CD1B: variants seen among roughly 807,000 people sequenced by gnomAD.
CD1B encodes the protein T-cell surface glycoprotein CD1b.
A neutral mutation model predicts 39.8 loss-of-function variants in CD1B; 43 were observed. That is an observed-to-expected ratio of 1.08 (90% confidence interval 0.85 to 1.39). The LOEUF is 1.39. Among genes scored for constraint, CD1B ranks in the 40% most tolerant of loss-of-function variants. The pLI is 0.00. For synonymous variants in CD1B, 192 were observed against 152.5 expected (o/e 1.26, Z -1.91); for missense variants, 495 against 403.8 (o/e 1.23, Z -1.94).
chr1:158,330,198 T>G, intron 2 of CD1B, 68 bp from the exon 3 acceptor site: 1 of 1,398,680 alleles, frequency 7.1e-7, no homozygotes, highest in Non-Finnish European at 9.7e-7. Flanking sequence ...GAAAAGAACC[T>G]AGGATTTTAG....
At chr1:158,331,251 G>C in intron 1 of CD1B, 112 bp downstream of exon 1, 2 of 1,156,360 alleles carry the variant, frequency 1.7e-6, no homozygotes, top group Non-Finnish European at 2.6e-6. Context: ...AAGAGGGCGG[G>C]AGACAGAAAG....
chr1:158,317,243 G>T, the CD1B span, among the ~76,000 whole-genome samples: 9 of 152,130 alleles, frequency 5.9e-5, no homozygotes, highest in South Asian at 1.5e-3. Context: ...AATGGTACCA[G>T]TTCCTCCTTG....
At chr1:158,292,527 G>T in the CD1B span, 1 of 1,536,132 alleles carries the variant, frequency 6.5e-7, no homozygotes, top group South Asian at 1.2e-5. Context: ...ATATTCATGT[G>T]GATGTGTGTA....
chr1:158,293,682 A>C, the CD1B span: 5 of 1,201,548 alleles, frequency 4.2e-6, no homozygotes, highest in Non-Finnish European at 5.9e-6. Context: ...TTCAAAGCCC[A>C]TTTCTGATGT....
chr1:158,321,851 G>A, the CD1B span, among the ~76,000 whole-genome samples: 3 of 152,108 alleles, frequency 2.0e-5, no homozygotes, highest in Non-Finnish European at 4.4e-5. Flanking sequence ...TTACTGCACA[G>A]ATCATCCCAT....
chr1:158,291,039 C>A, the CD1B span: 1 of 1,283,526 alleles, frequency 7.8e-7, no homozygotes, highest in African/African-American at 1.5e-5. Flanking sequence ...TAATGTTTCT[C>A]TGTGGTAACT....
At chr1:158,330,729 A>G (rs751142580) in intron 2 of CD1B, 67 bp downstream of exon 2, 2 of 1,501,734 alleles carry the variant, frequency 1.3e-6, no homozygotes, top group South Asian at 2.3e-5. Context: ...AGAGAGAGCA[A>G]CACTTTGCAA....
At chr1:158,299,091 C>G in the CD1B span, among the ~76,000 whole-genome samples, 97 of 152,172 alleles carry the variant, frequency 6.4e-4, no homozygotes, top group Non-Finnish European at 1.2e-3. Context: ...TTGTCTTGTG[C>G]CAGTTTTCAA....
At chr1:158,315,408 T>G in the CD1B span, among the ~76,000 whole-genome samples, 4 of 152,042 alleles carry the variant, frequency 2.6e-5, no homozygotes, top group East Asian at 7.7e-4. Flanking sequence ...TGATGGCCAG[T>G]GATGATGAGC....
At chr1:158,310,800 T>G in the CD1B span, among the ~76,000 whole-genome samples, 234 of 152,002 alleles carry the variant, frequency 1.5e-3, 1 homozygote, top group African/African-American at 5.5e-3. Context: ...ATTATTAAAA[T>G]GTCAAAAAAG....
intron 2 of CD1B, 60 bp downstream of exon 2, chr1:158,330,736 G>T (rs562633354): frequency 1.9e-6 from 3 of 1,541,854 alleles, no homozygotes; most frequent in Admixed American, 3.3e-5. Context: ...GCAACACTTT[G>T]CAAAAAAGAG....
the CD1B span, among the ~76,000 whole-genome samples, chr1:158,297,100 A>T: frequency 6.6e-6 from 1 of 152,178 alleles, no homozygotes; most frequent in Non-Finnish European, 1.5e-5. Flanking sequence ...AAATTCAGAG[A>T]ACTCCTGAGA....
At chr1:158,306,551 A>G in the CD1B span, among the ~76,000 whole-genome samples, 1 of 152,210 alleles carries the variant, frequency 6.6e-6, no homozygotes, top group African/African-American at 2.4e-5. Flanking sequence ...GATATCCAGG[A>G]ACTGAACTCA....
At chr1:158,315,509 T>C in the CD1B span, among the ~76,000 whole-genome samples, 1 of 152,086 alleles carries the variant, frequency 6.6e-6, no homozygotes, top group Non-Finnish European at 1.5e-5. Context: ...GGGTTGTTTG[T>C]TTTTTTCTTG....
the CD1B span, among the ~76,000 whole-genome samples, chr1:158,296,195 G>C: frequency 0.029 from 4,397 of 151,434 alleles, 213 homozygotes; most frequent in African/African-American, 0.1. Context: ...CCCACCATAG[G>C]AGTGTTGTTG....
At chr1:158,318,280 A>T in the CD1B span, among the ~76,000 whole-genome samples, 6 of 152,248 alleles carry the variant, frequency 3.9e-5, no homozygotes, top group Non-Finnish European at 7.4e-5. Flanking sequence ...GTCTCCCATT[A>T]TTAATGTGTG....
At chr1:158,324,405 G>A (rs1343727689), downstream of CD1B, among the ~76,000 whole-genome samples, 2 of 152,152 alleles carry the variant, frequency 1.3e-5, no homozygotes, top group African/African-American at 2.4e-5. Context: ...GGAGTTGGGG[G>A]ATATGAGTGG....
the CD1B span, among the ~76,000 whole-genome samples, chr1:158,297,066 T>C: frequency 2.6e-4 from 40 of 152,246 alleles, no homozygotes; most frequent in South Asian, 1.2e-3. Flanking sequence ...AACTTCACTA[T>C]AGAGGTCAAC....
chr1:158,328,997 C>G lies in CD1B; in HGVS notation c.904G>C (p.Gly302Arg). The change falls in exon 5 of 6, where the codon GGC becomes CGC. Residue 302 changes from glycine to arginine, a missense_variant. Gly to Arg is a moderately radical substitution (Grantham distance 125). Coordinates refer to ENST00000368168, the MANE Select transcript of CD1B (RefSeq NM_001764.3). ...ACTATTATTGCCAAAACAATTGAGC[C>G]AATGGAGGTGGGGTTTCCTGGCAAT... ...ILYWRNPTSIGSIVLAIIVPS... is the reference protein window; with the variant it reads ...ILYWRNPTSIRSIVLAIIVPS... 1 of 1,613,708 alleles carries G rather than the reference C, an allele frequency of 6.2e-7. No homozygotes were observed. Among genetic ancestry groups the G allele is most frequent in the Non-Finnish European group, 8.5e-7 (1 of 1,179,826 alleles).
Sources: allele counts gnomAD v4.1 joint callset (sites outside exome capture counted in the v4.1 genomes callset), GRCh38; gene constraint gnomAD v4.1.1; transcripts MANE v1.5; gene names NCBI Gene and HGNC (gene_info 2026-07-23, HGNC 2026-07-21).